Variants in EPHA2 observed in about 807,000 individuals in gnomAD.
EPHA2 encodes the protein EPH receptor A2, also known as ephrin type-A receptor 2.
In EPHA2, 54 loss-of-function variants were observed where a neutral mutation model predicts 104.9. The ratio of observed to expected loss-of-function variants is 0.51; its 90% confidence interval spans 0.41 to 0.65. The LOEUF (loss-of-function observed/expected upper bound fraction) is 0.65. Ranked by LOEUF, EPHA2 falls within the 30% of genes least tolerant of loss-of-function variation. EPHA2 has a pLI of 0.00. For synonymous variants in EPHA2, 560 were observed against 559.1 expected (o/e 1.00, Z -0.02); for missense variants, 1,117 against 1,369.5 (o/e 0.82, Z 2.91).
chr1:16,143,569 C>G (rs949763081), intron 3 of EPHA2, among the ~76,000 whole-genome samples: 6 of 152,124 alleles, frequency 3.9e-5, no homozygotes, highest in African/African-American at 1.4e-4. Context: ...GCCCGCCCCT[C>G]AGGTGGCAGC....
At chr1:16,146,102 C>A (rs2024927173) in intron 3 of EPHA2, among the ~76,000 whole-genome samples, 1 of 152,150 alleles carries the variant, frequency 6.6e-6, no homozygotes, top group Non-Finnish European at 1.5e-5. Context: ...TAAAGAGGAG[C>A]CAGCCGGGCG....
At position 16,130,486 on chromosome 1, in the gene EPHA2, C is replaced by A. The variant is rs999635383; in HGVS notation, c.2476-67G>T. 6.9e-7 allele frequency: 1 copy of A among 1,456,282 alleles called. No individual in the cohort carries two copies. The allele number at this position is 1,456,282 out of a possible 1,614,324, so 90.2% of individuals were successfully genotyped here. ...ACTGAAACCCTCTGCAGCCTCCAGC[C>A]TATGGAGGTGGGCAGGGGAGGGGAG... On this transcript the variant is annotated intron_variant, in intron 14 of 16. Transcript: ENST00000358432. This position sits in a 1 kb window ranked among gnomAD's most constrained non-coding sequence, Gnocchi z 4.5.
chr1:16,135,205 C>G lies in EPHA2; in HGVS notation c.1429-16G>C, dbSNP rs1255766404. ...TGGAGTCTCCCTGTGGGTGGGTGGC[C>G]GGCGGAGGAGCAGGCAGTGAGGGCA... On this transcript the variant is annotated splice_polypyrimidine_tract_variant and intron_variant, in intron 6 of 16. Coordinates refer to ENST00000358432, the MANE Select transcript of EPHA2 (RefSeq NM_004431.5). This position sits in a 1 kb window ranked among gnomAD's most constrained non-coding sequence, Gnocchi z 4.3. 2.4e-5 allele frequency: 39 copies of G among 1,612,974 alleles called. No individual in the cohort carries two copies. The highest frequency in any genetic ancestry group is 3.1e-5 in the Non-Finnish European group (36 of 1,179,862).
rs1387643089 is a variant in EPHA2 at position 16,131,648 on chromosome 1, C to T, written c.2475+73G>A. The T allele has an allele frequency of 2.5e-6, 4 of 1,598,996 alleles. No individual in the cohort carries two copies. In the East Asian group the frequency reaches 6.7e-5, roughly 27 times the overall value. On this transcript the variant is annotated intron_variant, in intron 14 of 16. Coordinates refer to ENST00000358432, the MANE Select transcript of EPHA2 (RefSeq NM_004431.5). This position sits in a 1 kb window ranked among gnomAD's most constrained non-coding sequence, Gnocchi z 5.2. ...TTCATCTAAACTGTCCTCTGCCCAG[C>T]CCCTGCAGTTTGAGATGAGTAAAGG...
rs1438084624 is a variant in EPHA2, at chr1:16,155,963, C to G, written c.-31G>C. 5.4e-6 allele frequency: 8 copies of G among 1,470,952 alleles called. No homozygotes were observed. The highest frequency in any genetic ancestry group is 1.3e-5 in the South Asian group (1 of 77,676). 91.1% of individuals were successfully genotyped at this position (1,470,952 alleles called of 1,614,324 possible). A position where few individuals can be genotyped will look rare whatever the true frequency, so the allele number is the denominator to read the frequency against. The stretch of plus-strand genomic sequence containing the variant: ...GCTTCTCGCTCTCGGTCCGATCCCC[C>G]CGAGCCCGGCTCCCGCACACCCGCA... On this transcript the variant is annotated 5_prime_UTR_variant, in exon 1 of 17. Coordinates refer to ENST00000358432, the MANE Select transcript of EPHA2 (RefSeq NM_004431.5).
chr1:16,135,043 C>T lies in EPHA2; in HGVS notation c.1575G>A (p.Gln525=). The T allele has an allele frequency of 6.2e-7, 1 of 1,612,742 alleles. No individual in the cohort carries two copies. Among genetic ancestry groups the T allele is most frequent in the Non-Finnish European group, 8.5e-7 (1 of 1,180,018 alleles). ...CAGGGTCCCCCAACTCACACAGCGT[C>T]TGGAATTCGTGCACCTTGCTGCCGG... ...QGAGSKVHEF[Q]TLSPEGSGNL... The change falls in exon 7 of 17, where the codon CAG becomes CAA. Residue 525 remains glutamine, a synonymous_variant. Coordinates refer to ENST00000358432, the MANE Select transcript of EPHA2 (RefSeq NM_004431.5). This position sits in a 1 kb window ranked among gnomAD's most constrained non-coding sequence, Gnocchi z 4.3.
rs776614918 is a variant in EPHA2, at chr1:16,132,226, C to T, written c.2163G>A (p.Arg721=). Residue 721 remains arginine (R), a synonymous_variant, in exon 13 of 17, where the codon CGG becomes CGA. Transcript: ENST00000358432. The stretch of plus-strand genomic sequence containing the variant: ...GGTACTTCATGCCAGCTGCGATGCC[C>T]CGCAGCATGCCCACCAGCTGCAGCA... ...FSVLQLVGML[R]GIAAGMKYLA... 4 of 1,614,190 alleles carry T rather than the reference C, an allele frequency of 2.5e-6. No individual in the cohort carries two copies. Among genetic ancestry groups the T allele is most frequent in the Non-Finnish European group, 3.4e-6 (4 of 1,180,036 alleles).
rs748305046 is a variant in EPHA2, at chr1:16,156,033, C to T, written c.-101G>A. ...GTGTCCGCTCCCGCCCGCCGGCCTGCGCGCAACTTCTGCCCCTCCTGCCCC... is the reference window on the plus strand; with the variant it reads ...GTGTCCGCTCCCGCCCGCCGGCCTGTGCGCAACTTCTGCCCCTCCTGCCCC... On this transcript the variant is annotated 5_prime_UTR_variant, in exon 1 of 17. Coordinates refer to ENST00000358432, the MANE Select transcript of EPHA2 (RefSeq NM_004431.5). The T allele has an allele frequency of 2.9e-6, 3 of 1,026,992 alleles. No homozygotes were observed. The highest frequency in any genetic ancestry group is 3.3e-5 in the East Asian group (1 of 30,184). 63.6% of individuals were successfully genotyped at this position (1,026,992 alleles called of 1,614,324 possible).
Position 16,148,542 on chromosome 1 carries a change from G to A in EPHA2, c.659C>T (p.Ala220Val), listed in dbSNP as rs780904546. The change falls in exon 3 of 17, where the codon GCA becomes GTA. Residue 220 changes from alanine (A) to valine (V), a missense_variant. This residue lies in a region of EPHA2 where 664 missense variants were observed against 784.8 expected (regional missense o/e 0.85). Transcript: ENST00000358432. The surrounding 1 kb of genome is among the most constrained non-coding windows in gnomAD (Gnocchi z 4.9). Reference sequence around the variant, plus strand: ...GCCGGCCACAGTGGCCAGGGAAGGTGCATCAGAGCCGGCGATGGTCTCAGG... The same window carrying A: ...GCCGGCCACAGTGGCCAGGGAAGGTACATCAGAGCCGGCGATGGTCTCAGG... ...HFPETIAGSD[A>V]PSLATVAGTC... 3.1e-6 allele frequency: 5 copies of A among 1,613,314 alleles called. No homozygotes were observed. The highest frequency in any genetic ancestry group is 4.2e-6 in the Non-Finnish European group (5 of 1,179,998).
rs772633300 is a variant in EPHA2, at chr1:16,125,890, C to G, written c.2826-570G>C. ...CTTCCCACCTGCTGCCTCATTTCTCCCTCACTCCTTCCAAGTTCCCACTGC... is the reference window on the plus strand; with the variant it reads ...CTTCCCACCTGCTGCCTCATTTCTCGCTCACTCCTTCCAAGTTCCCACTGC... On this transcript the variant is annotated intron_variant, in intron 16 of 16. Coordinates refer to ENST00000358432, the MANE Select transcript of EPHA2 (RefSeq NM_004431.5). This position sits in a 1 kb window ranked among gnomAD's most constrained non-coding sequence, Gnocchi z 4.9. Among the ~76,000 whole-genome samples, 2 of 152,156 alleles carry G rather than the reference C, an allele frequency of 1.3e-5. No individual in the cohort carries two copies. The highest frequency in any genetic ancestry group is 2.9e-5 in the Non-Finnish European group (2 of 68,038).
At chr1:16,154,863 A>AG (rs1250282301) in intron 1 of EPHA2, among the ~76,000 whole-genome samples, 4 of 150,316 alleles carry the variant, frequency 2.7e-5, no homozygotes, top group Non-Finnish European at 5.9e-5. Context: ...CCCAGGCAGG[A>AG]GGGGAAGCCT....
In EPHA2 at chr1:16,134,945, TAA is replaced by T; in HGVS notation, c.1582+89_1582+90del. The T allele has an allele frequency of 1.3e-6, 2 of 1,576,916 alleles. No homozygotes were observed. Among genetic ancestry groups the T allele is most frequent in the Non-Finnish European group, 1.7e-6 (2 of 1,163,034 alleles). On this transcript the variant is annotated intron_variant, in intron 7 of 16. Coordinates refer to ENST00000358432, the MANE Select transcript of EPHA2 (RefSeq NM_004431.5). This position sits in a 1 kb window ranked among gnomAD's most constrained non-coding sequence, Gnocchi z 4.5. ...CCGGTGACCGAGAAAGGGGCATTTCTAAGTTATTTGATTCACTTCCTTTCCCA... is the reference window on the plus strand; with the variant it reads ...CCGGTGACCGAGAAAGGGGCATTTCTGTTATTTGATTCACTTCCTTTCCCA...
rs2124180532 is a variant in EPHA2 at position 16,124,368 on chromosome 1, A to G, written c.*847T>C. 1 of 152,800 alleles carries G rather than the reference A, an allele frequency of 6.5e-6. No homozygotes were observed. Among genetic ancestry groups the G allele is most frequent in the South Asian group, 2.1e-4 (1 of 4,832 alleles). 9.5% of individuals were successfully genotyped at this position (152,800 alleles called of 1,614,324 possible). Reference sequence around the variant, plus strand: ...TGAATCATCTGCAACTTTATTCCAGAGCAGAAATAAGTCATTTTCTAACAA... The same window carrying G: ...TGAATCATCTGCAACTTTATTCCAGGGCAGAAATAAGTCATTTTCTAACAA... On this transcript the variant is annotated 3_prime_UTR_variant, in exon 17 of 17. Transcript: ENST00000358432.
Position 16,131,984 on chromosome 1 carries a change from C to T in EPHA2, c.2325+80G>A, listed in dbSNP as rs890961339. 1.4e-5 allele frequency: 22 copies of T among 1,610,066 alleles called. No homozygotes were observed. The highest frequency in any genetic ancestry group is 1.6e-4 in the Middle Eastern group (1 of 6,082). On this transcript the variant is annotated intron_variant, in intron 13 of 16. Coordinates refer to ENST00000358432, the MANE Select transcript of EPHA2 (RefSeq NM_004431.5). This position sits in a 1 kb window ranked among gnomAD's most constrained non-coding sequence, Gnocchi z 5.2. The stretch of plus-strand genomic sequence containing the variant: ...CCTACAGGTGTTCTGCCTCCTGAAG[C>T]ACTGCCCAGGTGTGCAGGTGAGAGG...
At chr1:16,155,495 C>T (rs921232927) in intron 1 of EPHA2, 2 of 254,094 alleles carry the variant, frequency 7.9e-6, no homozygotes, top group Non-Finnish European at 1.5e-5. Flanking sequence ...AAGCTGAGCC[C>T]GCGGAAAGCT....
intron 3 of EPHA2, among the ~76,000 whole-genome samples, chr1:16,144,351 C>T (rs995586226): frequency 6.6e-6 from 1 of 152,150 alleles, no homozygotes; most frequent in African/African-American, 2.4e-5. Context: ...CAGCAGGGGA[C>T]AAAGCCTGCG....
chr1:16,154,801 C>G (rs920465383), intron 1 of EPHA2, among the ~76,000 whole-genome samples: 1 of 151,870 alleles, frequency 6.6e-6, no homozygotes, highest in Admixed American at 6.6e-5. Context: ...TCTCACCGGC[C>G]CAAGTTTCCT....
chr1:16,132,261 C>T lies in EPHA2; in HGVS notation c.2128G>A (p.Glu710Lys), dbSNP rs1184918114. Residue 710 changes from glutamate to lysine, a missense_variant, in exon 13 of 17, where the codon GAG becomes AAG. This residue lies in a region of EPHA2 where 340 missense variants were observed against 480.5 expected (regional missense o/e 0.71). Coordinates refer to ENST00000358432, the MANE Select transcript of EPHA2 (RefSeq NM_004431.5). ...CCCACCAGCTGCAGCACGCTGAACTCGCCATCCTTCTCCTGCCGGAGCACA... is the reference window on the plus strand; with the variant it reads ...CCCACCAGCTGCAGCACGCTGAACTTGCCATCCTTCTCCTGCCGGAGCACA... ...LDKFLREKDG[E>K]FSVLQLVGML... The T allele has an allele frequency of 8.1e-6, 13 of 1,614,084 alleles. No homozygotes were observed. Among genetic ancestry groups the T allele is most frequent in the East Asian group, 4.5e-5 (2 of 44,894 alleles).
At chr1:16,147,420 C>G (rs1044156781) in intron 3 of EPHA2, among the ~76,000 whole-genome samples, 5 of 152,060 alleles carry the variant, frequency 3.3e-5, no homozygotes, top group African/African-American at 1.2e-4. Flanking sequence ...GGATGTGCAC[C>G]CCGGGTCCAA....
Sources: gnomAD v4.1 joint callset for allele counts (sites outside exome capture counted in the v4.1 genomes callset) on GRCh38, gnomAD v4.1.1 for gene constraint, gnomAD v4.1.1 regional missense constraint, Gnocchi (gnomAD v3.1) non-coding constraint, MANE v1.5 for transcripts, NCBI Gene and HGNC (gene_info 2026-07-23, HGNC 2026-07-21) for gene names.